CAMK2G: variants seen among roughly 807,000 people sequenced by gnomAD.
CAMK2G encodes the protein calcium/calmodulin dependent protein kinase II gamma.
A neutral mutation model predicts 88.7 loss-of-function variants in CAMK2G; 23 were observed. The observed-to-expected ratio is 0.26, with a 90% CI of 0.19 to 0.37. CAMK2G has a LOEUF of 0.37. Ranked by LOEUF, CAMK2G falls within the 10% of genes least tolerant of loss-of-function variation. The probability of loss-of-function intolerance (pLI) is 1.00; values close to 1 mark genes in which losing one functional copy is unlikely to be tolerated. For synonymous variants in CAMK2G, 263 were observed against 294.8 expected (o/e 0.89, Z 1.11); for missense variants, 476 against 780.8 (o/e 0.61, Z 4.65).
chr10:73,837,865 C>T (rs952683564), intron 13 of CAMK2G, among the ~76,000 whole-genome samples: 2 of 152,196 alleles, frequency 1.3e-5, no homozygotes, highest in Non-Finnish European at 2.9e-5. Flanking sequence ...AGAGTGAGGG[C>T]TCCATCCCTA....
At chr10:73,873,146 C>A in intron 1 of CAMK2G, 63 bp from the exon 2 acceptor site, 1 of 1,203,684 alleles carries the variant, frequency 8.3e-7, no homozygotes, top group East Asian at 2.3e-5. Flanking sequence ...AGACACACTT[C>A]AAGTCTGGGG....
At chr10:73,838,462 G>C (rs1029696940) in intron 13 of CAMK2G, among the ~76,000 whole-genome samples, 4 of 152,198 alleles carry the variant, frequency 2.6e-5, no homozygotes, top group Non-Finnish European at 4.4e-5. Flanking sequence ...CAAAACAGTG[G>C]TGGGAATCCA....
At chr10:73,816,372 A>G (rs991359014) in intron 21 of CAMK2G, 3 of 1,000,516 alleles carry the variant, frequency 3.0e-6, no homozygotes, top group Non-Finnish European at 3.6e-6. Flanking sequence ...CTGCAGACAC[A>G]GAGCTTAGTT....
chr10:73,835,947 G>A lies in CAMK2G; in HGVS notation c.1053+1521C>T, dbSNP rs529279828. The stretch of plus-strand genomic sequence containing the variant: ...CCTCCCAGGTTCAAGCCATTCTCCT[G>A]CCTCAGACTCCCGAGTGGCTGGGAT... On this transcript the variant is annotated intron_variant, in intron 14 of 22. Transcript: ENST00000423381. 2.6e-5 allele frequency among the ~76,000 whole-genome samples: 4 copies of A among 152,224 alleles called. No homozygotes were observed. In the South Asian group the frequency reaches 8.3e-4, roughly 32 times the overall value.
chr10:73,863,897 G>T (rs2095483999), intron 2 of CAMK2G, among the ~76,000 whole-genome samples: 1 of 152,148 alleles, frequency 6.6e-6, no homozygotes, highest in Non-Finnish European at 1.5e-5. Context: ...CTGAACCCCA[G>T]GACTATACCT....
intron 18 of CAMK2G, among the ~76,000 whole-genome samples, chr10:73,820,486 ATATATAT>A (rs1435941456): frequency 6.6e-4 from 34 of 51,876 alleles, no homozygotes; most frequent in African/African-American, 3.9e-3. Flanking sequence ...ATATATATAT[ATATATAT>A]TTTTTTTTTT....
intron 1 of CAMK2G, chr10:73,873,628 G>A (rs2095931413): frequency 1.6e-6 from 1 of 638,808 alleles, no homozygotes; most frequent in Non-Finnish European, 1.9e-6. Flanking sequence ...CAAGGGAAGA[G>A]AGGACACAGT....
intron 18 of CAMK2G, among the ~76,000 whole-genome samples, chr10:73,820,663 A>ATTTTTTTTTTTTTTTTTTT (rs1198716305): frequency 4.3e-5 from 2 of 46,128 alleles, no homozygotes; most frequent in Non-Finnish European, 3.4e-5. Context: ...CACCCGGCTA[A>ATTTTTTTTTTTTTTTTTTT]TTTTTTTTTT....
At chr10:73,870,578 ATC>A (rs1366499103) in intron 2 of CAMK2G, among the ~76,000 whole-genome samples, 1 of 152,148 alleles carries the variant, frequency 6.6e-6, no homozygotes, top group East Asian at 1.9e-4. Flanking sequence ...CCCTCTTTTT[ATC>A]TTTTCAGTTT....
intron 20 of CAMK2G, 152 bp from the exon 21 acceptor site, chr10:73,817,269 C>G: frequency 8.6e-7 from 1 of 1,168,672 alleles, no homozygotes; most frequent in Non-Finnish European, 1.2e-6. Flanking sequence ...TGCTGAGCCA[C>G]TCAGCCCTGT....
intron 3 of CAMK2G, among the ~76,000 whole-genome samples, chr10:73,858,467 C>T (rs900497514): frequency 2.6e-5 from 4 of 152,214 alleles, no homozygotes; most frequent in African/African-American, 7.2e-5. Flanking sequence ...CCTGCAGCTC[C>T]GCCACATCTC....
At position 73,817,023 on chromosome 10, in the gene CAMK2G, G is replaced by A. The variant is rs755908816; in HGVS notation, c.1534C>T (p.Leu512Phe). 5 of 1,613,942 alleles carry A rather than the reference G, an allele frequency of 3.1e-6. No homozygotes were observed. Among genetic ancestry groups the A allele is most frequent in the Admixed American group, 1.7e-5 (1 of 59,984 alleles). Residue 512 changes from leucine (L) to phenylalanine (F), a missense_variant and splice_region_variant, in exon 21 of 23, where the codon CTC becomes TTC. Transcript: ENST00000423381. ...MDFHKFYFEN[L>F]LSKNSKPIHT... ...ATATCAGCAGCACGAACCCACTCAC[G>A]ATTCTCAAAGTAAAACTTATGGAAA...
rs1484462034 is a variant in CAMK2G, at chr10:73,839,446, C to A, written c.1009+93G>T. On this transcript the variant is annotated intron_variant, in intron 13 of 22. Transcript: ENST00000423381. This position sits in a 1 kb window ranked among gnomAD's most constrained non-coding sequence, Gnocchi z 4.2. ...CATCTCAGCCCGCAAGCATGGGACT[C>A]GCCTCCCTGGTGAGTGGGCCCGGCA... The A allele has an allele frequency of 1.5e-6, 1 of 650,066 alleles. No individual in the cohort carries two copies. The highest frequency in any genetic ancestry group is 2.2e-6 in the Non-Finnish European group (1 of 456,518). The allele number at this position is 650,066 out of a possible 1,614,324, so 40.3% of individuals were successfully genotyped here.
chr10:73,820,464 T>TTATATATATATATA (rs71483976), intron 18 of CAMK2G, among the ~76,000 whole-genome samples: 17 of 74,084 alleles, frequency 2.3e-4, no homozygotes, highest in African/African-American at 8.4e-4. Flanking sequence ...GGTTTTATAT[T>TTATATATATATATA]TATATATATA....
intron 17 of CAMK2G, 118 bp from the exon 18 acceptor site, chr10:73,821,848 G>T (rs2088929737): frequency 1.2e-6 from 1 of 806,618 alleles, no homozygotes; most frequent in Non-Finnish European, 2.1e-6. Context: ...ATTGTGGAAG[G>T]TTCTGCTTCC....
chr10:73,820,057 T>C (rs2087349249), intron 18 of CAMK2G, among the ~76,000 whole-genome samples: 2 of 152,272 alleles, frequency 1.3e-5, no homozygotes, highest in African/African-American at 4.8e-5. Flanking sequence ...CTACTATGAT[T>C]CACTTCCTCG....
chr10:73,843,142 G>A (rs1590621570), intron 10 of CAMK2G, among the ~76,000 whole-genome samples: 2 of 151,394 alleles, frequency 1.3e-5, no homozygotes, highest in African/African-American at 4.9e-5. Context: ...GTGCAATCTC[G>A]GCTCACCGTA....
Position 73,821,728 on chromosome 10 carries a change from G to A in CAMK2G, c.1203C>T (p.Gly401=), listed in dbSNP as rs2088863218. 1.9e-6 allele frequency: 3 copies of A among 1,610,652 alleles called. No individual in the cohort carries two copies. The highest frequency in any genetic ancestry group is 2.5e-6 in the Non-Finnish European group (3 of 1,178,176). Residue 401 remains glycine, a splice_region_variant and synonymous_variant, in exon 18 of 23, where the codon GGC becomes GGT. Transcript: ENST00000423381. The part of the protein sequence containing the change: ...VVHNATDGIK[G]STESCNTTTE... ...TGGTGGTGTTGCAGCTCTCTGTGGA[G>A]CCCTGTAGGCCAAAAAGAACATGTT...
chr10:73,847,538 G>C (rs1415012889), intron 9 of CAMK2G, among the ~76,000 whole-genome samples, 191 bp from the exon 10 acceptor site: 1 of 152,208 alleles, frequency 6.6e-6, no homozygotes, highest in African/African-American at 2.4e-5. Context: ...AAGACAGACA[G>C]AACAGTCATG....
Sources: gnomAD v4.1 joint callset for allele counts (sites outside exome capture counted in the v4.1 genomes callset) on GRCh38, gnomAD v4.1.1 for gene constraint, Gnocchi (gnomAD v3.1) non-coding constraint, MANE v1.5 for transcripts, NCBI Gene and HGNC (gene_info 2026-07-23, HGNC 2026-07-21) for gene names.